The following AKR1A1 variants were observed in gnomAD, a reference collection of about 807,000 sequenced individuals.
AKR1A1 encodes the protein HEL-S-165mP.
Under a neutral mutation model 39.2 loss-of-function variants are expected in AKR1A1, and 26 were observed. The ratio of observed to expected loss-of-function variants is 0.66; its 90% confidence interval spans 0.49 to 0.92. The LOEUF is 0.92. Ranked by LOEUF, AKR1A1 falls within the 40% of genes least tolerant of loss-of-function variation. The pLI is 0.00. For synonymous variants in AKR1A1, 141 were observed against 155.5 expected (o/e 0.91, Z 0.69); for missense variants, 378 against 406.5 (o/e 0.93, Z 0.60).
At chr1:45,558,480 C>A (rs1644237013) in intron 1 of AKR1A1, among the ~76,000 whole-genome samples, 1 of 150,700 alleles carries the variant, frequency 6.6e-6, no homozygotes, top group Admixed American at 6.7e-5. Flanking sequence ...CTCACTGCAA[C>A]CTCCACCTCC....
intron 8 of AKR1A1, among the ~76,000 whole-genome samples, chr1:45,569,590 G>A (rs142010291): frequency 8.5e-5 from 13 of 152,316 alleles, no homozygotes; most frequent in African/African-American, 3.1e-4. Context: ...GACCTCACTC[G>A]AGGGATTGGG....
intron 1 of AKR1A1, among the ~76,000 whole-genome samples, chr1:45,558,298 A>T (rs774879982): frequency 6.6e-6 from 1 of 151,748 alleles, no homozygotes; most frequent in Non-Finnish European, 1.5e-5. Context: ...GCACTATATC[A>T]GCTCACTGCA....
In AKR1A1 at chr1:45,569,010, A is replaced by C; in HGVS notation, c.825+11A>C. 6.2e-7 allele frequency: 1 copy of C among 1,613,676 alleles called. No homozygotes were observed. Among genetic ancestry groups the C allele is most frequent in the Non-Finnish European group, 8.5e-7 (1 of 1,179,596 alleles). ...CTTCAGAACATCAAGGTACTTGGTA[A>C]TGGGTTCTATCTTCTTTAGCTCTTT... is the stretch of plus-strand genomic sequence containing the variant. On this transcript the variant is annotated intron_variant, in intron 7 of 8. Coordinates refer to ENST00000351829, the MANE Select transcript of AKR1A1 (RefSeq NM_153326.3).
chr1:45,568,884 A>T (rs766680237), intron 6 of AKR1A1, 43 bp from the exon 7 acceptor site: 1 of 1,600,702 alleles, frequency 6.2e-7, no homozygotes, highest in Non-Finnish European at 8.6e-7. Context: ...AGTGCTTATG[A>T]ATACTGACCC....
chr1:45,559,634 C>CTTTTTTTTTTTTTTTT (rs71056306), intron 1 of AKR1A1, among the ~76,000 whole-genome samples: 3 of 73,128 alleles, frequency 4.1e-5, no homozygotes, highest in African/African-American at 5.7e-5. Flanking sequence ...CTTTTCTTTT[C>CTTTTTTTTTTTTTTTT]TTTTTTTTTT....
chr1:45,561,382 C>T (rs900238554), intron 1 of AKR1A1, among the ~76,000 whole-genome samples: 1 of 149,410 alleles, frequency 6.7e-6, no homozygotes, highest in Non-Finnish European at 1.5e-5. Flanking sequence ...GTTTGTCCTA[C>T]ACATCTGTCC....
intron 1 of AKR1A1, among the ~76,000 whole-genome samples, chr1:45,557,637 A>G (rs1373523413): frequency 1.3e-5 from 2 of 152,206 alleles, no homozygotes; most frequent in African/African-American, 4.8e-5. Flanking sequence ...GTCATTGGGC[A>G]TTAAGCCCAG....
Position 45,568,657 on chromosome 1 carries a change from GC to G in AKR1A1, c.727del (p.Arg243AspfsTer16), listed in dbSNP as rs747903188. 2.5e-6 allele frequency: 4 copies of G among 1,613,568 alleles called. No homozygotes were observed. In the African/African-American group the frequency reaches 5.3e-5, roughly 22 times the overall value. On this transcript the variant is annotated frameshift_variant, in exon 6 of 9. Coordinates refer to ENST00000351829, the MANE Select transcript of AKR1A1 (RefSeq NM_153326.3). LOFTEE classifies it high-confidence loss of function. ...GTCCTGGCATTGGCTGAAAAGTATG[GC>G]CGATCTCCAGCTCAGATCTTGCTCA... ...PVVLALAEKYGRSPAQILLRW... is the reference protein window; with the variant it reads ...PVVLALAEKYXRSPAQILLRW...
chr1:45,556,306 G>A (rs1342480011), intron 1 of AKR1A1, among the ~76,000 whole-genome samples: 1 of 152,244 alleles, frequency 6.6e-6, no homozygotes, highest in Non-Finnish European at 1.5e-5. Flanking sequence ...GTTTCCGCCG[G>A]GCGCGGCGGC....
intron 1 of AKR1A1, 78 bp from the exon 2 acceptor site, chr1:45,561,711 G>A (rs1644279810): frequency 6.9e-7 from 1 of 1,446,180 alleles, no homozygotes; most frequent in East Asian, 2.3e-5. Context: ...GCGCTTTGCA[G>A]TATTCTTGAC....
At chr1:45,552,539 A>C (rs1405737277) in intron 1 of AKR1A1, 2 of 152,244 alleles carry the variant, frequency 1.3e-5, no homozygotes, top group African/African-American at 4.8e-5. Flanking sequence ...TAGCTGAAGG[A>C]TGAGCAGCAG....
At chr1:45,556,841 C>T (rs1644211735) in intron 1 of AKR1A1, among the ~76,000 whole-genome samples, 1 of 151,256 alleles carries the variant, frequency 6.6e-6, no homozygotes, top group South Asian at 2.1e-4. Context: ...TGCGTCATTG[C>T]CCTCCAGCCT....
intron 1 of AKR1A1, among the ~76,000 whole-genome samples, chr1:45,554,795 A>C (rs1644179005): frequency 6.6e-6 from 1 of 152,038 alleles, no homozygotes; most frequent in South Asian, 2.1e-4. Context: ...GGCTCAAGGG[A>C]TCCTCCTGCC....
intron 4 of AKR1A1, 139 bp from the exon 5 acceptor site, chr1:45,567,843 A>AT: frequency 1.2e-6 from 1 of 805,326 alleles, no homozygotes; most frequent in Non-Finnish European, 1.9e-6. Flanking sequence ...AAAAAAAAAG[A>AT]AAAAGCATGG....
intron 2 of AKR1A1, among the ~76,000 whole-genome samples, chr1:45,565,074 A>G (rs1570909984): frequency 1.4e-5 from 2 of 145,590 alleles, no homozygotes; most frequent in Non-Finnish European, 1.5e-5. Context: ...CACCCACCTC[A>G]GCCTCCCAAA....
chr1:45,555,662 G>T (rs1465862469), intron 1 of AKR1A1, among the ~76,000 whole-genome samples: 1 of 152,124 alleles, frequency 6.6e-6, no homozygotes, highest in Non-Finnish European at 1.5e-5. Flanking sequence ...GTATCTGAAG[G>T]GGTCCTGGAA....
chr1:45,567,250 A>G, intron 4 of AKR1A1: 1 of 552,230 alleles, frequency 1.8e-6, no homozygotes, highest in South Asian at 2.7e-5. Context: ...ACCCCAGGGT[A>G]TGCACCTGTA....
intron 1 of AKR1A1, among the ~76,000 whole-genome samples, chr1:45,551,558 T>TA (rs1176166691): frequency 1.3e-5 from 2 of 152,182 alleles, no homozygotes; most frequent in East Asian, 3.8e-4. Flanking sequence ...ATAATTCTCT[T>TA]ACTTAGACAC....
chr1:45,568,256 G>A, intron 5 of AKR1A1, 79 bp downstream of exon 5: 1 of 1,468,314 alleles, frequency 6.8e-7, no homozygotes, highest in Non-Finnish European at 9.2e-7. Flanking sequence ...ATCTGCTTAA[G>A]GGAGATAGCT....
Sources: gnomAD v4.1 joint callset for allele counts (sites outside exome capture counted in the v4.1 genomes callset) on GRCh38, gnomAD v4.1.1 for gene constraint, MANE v1.5 for transcripts, NCBI Gene and HGNC (gene_info 2026-07-23, HGNC 2026-07-21) for gene names.